Variants in WWOX observed in about 807,000 individuals in gnomAD.
The protein encoded by WWOX is WW domain containing oxidoreductase, also known as WW domain-containing oxidoreductase.
A neutral mutation model predicts 46.2 loss-of-function variants in WWOX; 69 were observed. The observed-to-expected ratio is 1.49, with a 90% CI of 1.23 to 1.82. WWOX has a LOEUF of 1.82. WWOX is among the 40% of genes most tolerant of loss of function. The pLI is 0.00. For missense variants in WWOX, 919 were observed against 542.6 expected (o/e 1.69, Z -6.89); for synonymous variants, 359 against 202.6 (o/e 1.77, Z -6.56).
intron 5 of WWOX, among the ~76,000 whole-genome samples, chr16:78,180,678 T>C (rs1597318015): frequency 6.6e-6 from 1 of 151,210 alleles, no homozygotes; most frequent in African/African-American, 2.4e-5. Context: ...GAGTTGTGGG[T>C]ATATGTTAGG....
chr16:78,670,484 G>C (rs868262683), intron 8 of WWOX, among the ~76,000 whole-genome samples: 1 of 152,046 alleles, frequency 6.6e-6, no homozygotes, highest in Non-Finnish European at 1.5e-5. Context: ...TGTGTGATCG[G>C]AAATCATGTC....
chr16:78,244,401 G>T (rs1352617081), intron 5 of WWOX, among the ~76,000 whole-genome samples: 1 of 152,104 alleles, frequency 6.6e-6, no homozygotes, highest in African/African-American at 2.4e-5. Flanking sequence ...TGCTGATGAT[G>T]GGGAATTTGA....
At chr16:78,822,857 T>G (rs954508124) in intron 8 of WWOX, among the ~76,000 whole-genome samples, 1 of 151,508 alleles carries the variant, frequency 6.6e-6, no homozygotes, top group African/African-American at 2.4e-5. Flanking sequence ...ATTTGTAAAT[T>G]AGGGAGGAAG....
intron 8 of WWOX, among the ~76,000 whole-genome samples, chr16:78,956,445 A>C (rs2046168412): frequency 6.6e-6 from 1 of 151,628 alleles, no homozygotes; most frequent in Non-Finnish European, 1.5e-5. Context: ...ATGAGCCACC[A>C]CTCTAGGCCT....
At chr16:79,000,952 G>A (rs1322972351) in intron 8 of WWOX, among the ~76,000 whole-genome samples, 1 of 152,180 alleles carries the variant, frequency 6.6e-6, no homozygotes, top group Admixed American at 6.5e-5. Flanking sequence ...GGAATAGTGT[G>A]TGGTTCAACT....
chr16:78,992,227 C>A (rs1400696503), intron 8 of WWOX, among the ~76,000 whole-genome samples: 2 of 152,154 alleles, frequency 1.3e-5, no homozygotes, highest in East Asian at 3.9e-4. Flanking sequence ...GCTTTGTGGA[C>A]CTTTGGTCAC....
chr16:78,210,636 A>G (rs951611851), intron 5 of WWOX, among the ~76,000 whole-genome samples: 6 of 152,188 alleles, frequency 3.9e-5, no homozygotes, highest in African/African-American at 1.2e-4. Context: ...CTAAGGAGCC[A>G]CTTTGGGGCT....
At chr16:78,661,403 A>T (rs907855619) in intron 8 of WWOX, among the ~76,000 whole-genome samples, 18 of 151,552 alleles carry the variant, frequency 1.2e-4, no homozygotes, top group African/African-American at 2.4e-5. Context: ...AAGCTGGGCA[A>T]TTTTTTTTTC....
chr16:78,810,715 G>T (rs948489405), intron 8 of WWOX, among the ~76,000 whole-genome samples: 4 of 152,176 alleles, frequency 2.6e-5, no homozygotes, highest in African/African-American at 9.6e-5. Flanking sequence ...GTGGAAGAAG[G>T]TGGGAATATA....
intron 8 of WWOX, among the ~76,000 whole-genome samples, chr16:78,658,357 T>C (rs928739846): frequency 1.3e-5 from 2 of 152,226 alleles, no homozygotes; most frequent in Non-Finnish European, 2.9e-5. Flanking sequence ...CATGCCCTGC[T>C]CTAAACACTT....
chr16:78,702,110 A>G (rs2048235942), intron 8 of WWOX, among the ~76,000 whole-genome samples: 1 of 131,790 alleles, frequency 7.6e-6, no homozygotes. Flanking sequence ...TTATATATAT[A>G]TATATATATA....
rs772728790 is a variant in WWOX, at chr16:79,211,832, C to G, written c.*36C>G. 6 of 1,612,674 alleles carry G rather than the reference C, an allele frequency of 3.7e-6. No homozygotes were observed. The African/African-American group carries it at 4.0e-5, about 11-fold the overall frequency. Reference sequence around the variant, plus strand: ...GAGCGGATGGGCACACACACCCGCCCTGTGTGTGTCCCCTCACGCAAGTGC... The same window carrying G: ...GAGCGGATGGGCACACACACCCGCCGTGTGTGTGTCCCCTCACGCAAGTGC... On this transcript the variant is annotated 3_prime_UTR_variant, in exon 9 of 9. Transcript: ENST00000566780.
At chr16:78,754,787 A>T (rs1224083139) in intron 8 of WWOX, among the ~76,000 whole-genome samples, 1 of 152,006 alleles carries the variant, frequency 6.6e-6, no homozygotes, top group Non-Finnish European at 1.5e-5. Flanking sequence ...GAATGAGATG[A>T]CCTCTAAGGC....
chr16:78,718,281 A>G (rs1458487495), intron 8 of WWOX, among the ~76,000 whole-genome samples: 3 of 152,106 alleles, frequency 2.0e-5, no homozygotes, highest in Admixed American at 1.3e-4. Context: ...CCATGTTAAG[A>G]GAAAAGTCCG....
intron 4 of WWOX, among the ~76,000 whole-genome samples, chr16:78,117,832 C>G (rs1481022675): frequency 6.6e-6 from 1 of 152,128 alleles, no homozygotes; most frequent in Non-Finnish European, 1.5e-5. Flanking sequence ...CCTTTGGCCA[C>G]TCAAGGGAGC....
At chr16:78,353,060 C>T (rs904351086) in intron 5 of WWOX, among the ~76,000 whole-genome samples, 1 of 152,138 alleles carries the variant, frequency 6.6e-6, no homozygotes, top group Admixed American at 6.5e-5. Context: ...CAGTTTGTAA[C>T]TCAGATTTTT....
At chr16:78,573,353 G>A (rs532319956) in intron 8 of WWOX, among the ~76,000 whole-genome samples, 12 of 152,264 alleles carry the variant, frequency 7.9e-5, no homozygotes, top group East Asian at 3.9e-4. Flanking sequence ...ACCAAAATAG[G>A]TATCAGATAC....
chr16:78,635,668 A>C (rs979162493), intron 8 of WWOX, among the ~76,000 whole-genome samples: 2 of 152,196 alleles, frequency 1.3e-5, no homozygotes, highest in African/African-American at 4.8e-5. Context: ...TCACACAGGC[A>C]CTAAGACGGT....
In WWOX at chr16:78,422,684, T is replaced by TATATATAC. The variant is rs1263877025; in HGVS notation, c.606-2185_606-2184insTATATACA. Among the ~76,000 whole-genome samples the TATATATAC allele has an allele frequency of 3.4e-4, 18 of 52,970 alleles. 3 individuals carry two copies. The highest frequency in any genetic ancestry group is 7.0e-4 in the South Asian group (1 of 1,434). 34.8% of individuals were successfully genotyped at this position (52,970 alleles called of 152,430 possible). A position where few individuals can be genotyped will look rare whatever the true frequency, so the allele number is the denominator to read the frequency against. ...ACATGTATATATATATATATATATATACACACACACACACACATATATATA... is the reference window on the plus strand; with the variant it reads ...ACATGTATATATATATATATATATATATATATACACACACACACACACACATATATATA... On this transcript the variant is annotated intron_variant, in intron 6 of 8. Transcript: ENST00000566780.
Sources: allele counts gnomAD v4.1 joint callset (sites outside exome capture counted in the v4.1 genomes callset), GRCh38; gene constraint gnomAD v4.1.1; transcripts MANE v1.5; gene names NCBI Gene and HGNC (gene_info 2026-07-23, HGNC 2026-07-21).